The following CTNNA2 variants were observed in gnomAD, a reference collection of about 807,000 sequenced individuals.
The protein encoded by CTNNA2 is catenin alpha 2.
In CTNNA2, 42 loss-of-function variants were observed where a neutral mutation model predicts 101.0. The observed-to-expected ratio is 0.42, with a 90% confidence interval of 0.32 to 0.54. The LOEUF (loss-of-function observed/expected upper bound fraction) is 0.54. CTNNA2 is among the 20% of genes least tolerant of loss of function. CTNNA2 has a pLI of 0.14. For synonymous variants in CTNNA2, 450 were observed against 456.4 expected (o/e 0.99, Z 0.18); for missense variants, 871 against 1,223.1 (o/e 0.71, Z 4.29).
chr2:79,326,879 A>G (rs1181290889), intron 3 of CTNNA2, among the ~76,000 whole-genome samples: 3 of 152,174 alleles, frequency 2.0e-5, no homozygotes, highest in African/African-American at 4.8e-5. Context: ...GTACAGGCAT[A>G]ATCAATTGAG....
intron 7 of CTNNA2, among the ~76,000 whole-genome samples, chr2:79,957,840 T>C (rs1689348998): frequency 6.6e-6 from 1 of 152,212 alleles, no homozygotes; most frequent in South Asian, 2.1e-4. Flanking sequence ...AAACTAGCCA[T>C]TTCTTTTTCA....
chr2:80,291,671 C>A (rs930536771), intron 7 of CTNNA2, among the ~76,000 whole-genome samples: 1 of 152,138 alleles, frequency 6.6e-6, no homozygotes, highest in Non-Finnish European at 1.5e-5. Context: ...GCTTGGATAA[C>A]AATTGCAAGC....
intron 4 of CTNNA2, among the ~76,000 whole-genome samples, chr2:79,442,317 G>A (rs529024105): frequency 1.1e-3 from 172 of 152,204 alleles, no homozygotes; most frequent in African/African-American, 3.9e-3. Context: ...AGTACTTAAA[G>A]TATGAATAGT....
rs142216121 is a variant in CTNNA2 at position 79,237,726 on chromosome 2, G to A, written c.-406+39650G>A. 5.2e-3 allele frequency among the ~76,000 whole-genome samples: 789 copies of A among 152,210 alleles called. 6 individuals carry two copies. The highest frequency in any genetic ancestry group is 0.018 in the African/African-American group (756 of 41,534). ...GCTTTACCTTGTACTTTTTTGTTAT[G>A]AAGATGGCTTTACTCCTTAAACATT... On this transcript the variant is annotated intron_variant, in intron 2 of 21. Coordinates refer to the CTNNA2 transcript ENST00000466387.
At chr2:79,376,451 G>GGT (rs1553406729) in intron 4 of CTNNA2, among the ~76,000 whole-genome samples, 7 of 148,966 alleles carry the variant, frequency 4.7e-5, no homozygotes, top group South Asian at 2.1e-4. Context: ...TTGTTGGTTG[G>GGT]TTTTGTTTTT....
chr2:80,128,584 A>G (rs1208685157), intron 7 of CTNNA2, among the ~76,000 whole-genome samples: 1 of 152,218 alleles, frequency 6.6e-6, no homozygotes, highest in Non-Finnish European at 1.5e-5. Context: ...AGCCAACTCT[A>G]AACACCAGAA....
chr2:79,230,784 G>T (rs1674481701), intron 2 of CTNNA2, among the ~76,000 whole-genome samples: 2 of 152,358 alleles, frequency 1.3e-5, no homozygotes, highest in Non-Finnish European at 2.9e-5. Flanking sequence ...GGGCAGAGCT[G>T]CCCAAGACTA....
intron 7 of CTNNA2, among the ~76,000 whole-genome samples, chr2:79,963,070 C>CAAAAAA (rs56764501): frequency 1.5e-5 from 1 of 66,198 alleles, no homozygotes; most frequent in Non-Finnish European, 2.6e-5. Context: ...GACTCCGTCT[C>CAAAAAA]AAAAAAAAAA....
At chr2:79,205,648 G>A (rs1213635307) in intron 2 of CTNNA2, among the ~76,000 whole-genome samples, 6 of 152,116 alleles carry the variant, frequency 3.9e-5, no homozygotes, top group Non-Finnish European at 7.4e-5. Context: ...TAAAACCCAG[G>A]TGTTCACAAA....
At chr2:79,304,539 G>T (rs1254425101) in intron 2 of CTNNA2, among the ~76,000 whole-genome samples, 1 of 152,160 alleles carries the variant, frequency 6.6e-6, no homozygotes, top group Non-Finnish European at 1.5e-5. Context: ...GATATCCCAG[G>T]TGGCCAAATA....
At chr2:79,301,540 T>C (rs1028669636) in intron 2 of CTNNA2, among the ~76,000 whole-genome samples, 1 of 152,192 alleles carries the variant, frequency 6.6e-6, no homozygotes, top group African/African-American at 2.4e-5. Context: ...TCCAGTGCTG[T>C]ATGCTCCTAC....
chr2:79,450,630 G>A (rs1040195694), intron 4 of CTNNA2, among the ~76,000 whole-genome samples: 2 of 151,934 alleles, frequency 1.3e-5, no homozygotes, highest in Non-Finnish European at 2.9e-5. Flanking sequence ...CATTGTCATC[G>A]GTAGGTTCTT....
At chr2:79,232,236 T>C (rs1674502158) in intron 2 of CTNNA2, among the ~76,000 whole-genome samples, 1 of 152,204 alleles carries the variant, frequency 6.6e-6, no homozygotes, top group African/African-American at 2.4e-5. Flanking sequence ...GTTTCTTCAA[T>C]GCCTAATTGA....
chr2:80,255,842 G>A (rs1340322428), intron 7 of CTNNA2, among the ~76,000 whole-genome samples: 1 of 152,216 alleles, frequency 6.6e-6, no homozygotes, highest in East Asian at 1.9e-4. Context: ...CAGGAATCAC[G>A]TGCTGTTGCC....
intron 7 of CTNNA2, among the ~76,000 whole-genome samples, chr2:80,216,260 C>A (rs983098389): frequency 6.6e-6 from 1 of 152,162 alleles, no homozygotes; most frequent in African/African-American, 2.4e-5. Context: ...GTGGGCTACA[C>A]CCACTGTCCG....
At chr2:79,195,360 G>A (rs1673945712) in intron 1 of CTNNA2, among the ~76,000 whole-genome samples, 1 of 152,152 alleles carries the variant, frequency 6.6e-6, no homozygotes, top group Non-Finnish European at 1.5e-5. Flanking sequence ...CTTCTGGGTA[G>A]CAGCAACATA....
chr2:79,374,787 T>C lies in CTNNA2; in HGVS notation c.-135+774T>C, dbSNP rs1332879794. Among the ~76,000 whole-genome samples the C allele has an allele frequency of 5.3e-5, 8 of 152,058 alleles. No individual in the cohort carries two copies. In the East Asian group the frequency reaches 1.5e-3, roughly 29 times the overall value. On this transcript the variant is annotated intron_variant, in intron 4 of 21. Coordinates refer to the CTNNA2 transcript ENST00000466387. ...TGAGATTTTTTTTCCTCCCATCAAG[T>C]GTGTCTCTCCTTCCCATTAGGCATA...
chr2:79,845,067 G>GTA (rs1044880055), intron 3 of CTNNA2, among the ~76,000 whole-genome samples: 8 of 142,578 alleles, frequency 5.6e-5, no homozygotes, highest in Non-Finnish European at 1.1e-4. Flanking sequence ...GTGTGTGTGT[G>GTA]TATATATATA....
At chr2:80,535,825 A>G (rs1475815877) in intron 9 of CTNNA2, among the ~76,000 whole-genome samples, 1 of 152,112 alleles carries the variant, frequency 6.6e-6, no homozygotes, top group African/African-American at 2.4e-5. Context: ...AGGCTGATAA[A>G]CTTATGCCAG....
Sources: gnomAD v4.1 joint callset for allele counts (sites outside exome capture counted in the v4.1 genomes callset) on GRCh38, gnomAD v4.1.1 for gene constraint, MANE v1.5 for transcripts, NCBI Gene and HGNC (gene_info 2026-07-23, HGNC 2026-07-21) for gene names.